The following GPC5 variants were observed in gnomAD, a reference collection of about 807,000 sequenced individuals.
The protein encoded by GPC5 is glypican-5.
Under a neutral mutation model 53.9 loss-of-function variants are expected in GPC5, and 47 were observed. The observed-to-expected ratio is 0.87, with a 90% CI of 0.69 to 1.11. GPC5 has a LOEUF of 1.11. GPC5 is among the 50% of genes most tolerant of loss of function. GPC5 has a pLI of 0.00. For synonymous variants in GPC5, 286 were observed against 263.3 expected (o/e 1.09, Z -0.84); for missense variants, 748 against 713.1 (o/e 1.05, Z -0.56).
At chr13:92,451,185 T>C (rs993359094) in intron 7 of GPC5, among the ~76,000 whole-genome samples, 1 of 152,064 alleles carries the variant, frequency 6.6e-6, no homozygotes, top group Non-Finnish European at 1.5e-5. Flanking sequence ...AGAAAAAAAA[T>C]AAACAGCAGC....
chr13:92,582,863 C>T (rs1474888899), intron 7 of GPC5, among the ~76,000 whole-genome samples: 1 of 151,864 alleles, frequency 6.6e-6, no homozygotes, highest in African/African-American at 2.4e-5. Flanking sequence ...TTACTGTATT[C>T]TTTATTATTT....
intron 2 of GPC5, among the ~76,000 whole-genome samples, chr13:91,505,386 A>G (rs537244578): frequency 1.3e-5 from 2 of 152,370 alleles, no homozygotes; most frequent in African/African-American, 4.8e-5. Context: ...ATTTAAATGT[A>G]ATAGATGTAA....
At chr13:91,451,570 T>TA (rs1162956245) in intron 2 of GPC5, among the ~76,000 whole-genome samples, 3 of 151,982 alleles carry the variant, frequency 2.0e-5, no homozygotes, top group African/African-American at 7.2e-5. Context: ...TGCCTATGTA[T>TA]ATTCCATTTA....
At chr13:91,514,461 C>G (rs978300624) in intron 2 of GPC5, among the ~76,000 whole-genome samples, 4 of 152,114 alleles carry the variant, frequency 2.6e-5, no homozygotes, top group African/African-American at 9.7e-5. Flanking sequence ...AATACCCGTT[C>G]ATGTCCTTTG....
At chr13:92,397,275 G>A (rs929128749) in intron 7 of GPC5, among the ~76,000 whole-genome samples, 5 of 152,106 alleles carry the variant, frequency 3.3e-5, no homozygotes, top group African/African-American at 9.7e-5. Context: ...GGGGGCTGGG[G>A]GGGGTTCCCC....
intron 6 of GPC5, among the ~76,000 whole-genome samples, chr13:92,079,301 C>T (rs1436895512): frequency 1.3e-5 from 2 of 152,164 alleles, no homozygotes; most frequent in Non-Finnish European, 2.9e-5. Flanking sequence ...CCGCCCACCT[C>T]GGCCTCCCAA....
chr13:91,882,874 T>C (rs1403682288), intron 5 of GPC5, among the ~76,000 whole-genome samples: 2 of 152,124 alleles, frequency 1.3e-5, no homozygotes, highest in Non-Finnish European at 2.9e-5. Flanking sequence ...AGGTGGTACA[T>C]ACAAATAAAT....
intron 5 of GPC5, among the ~76,000 whole-genome samples, chr13:91,907,501 CTT>C (rs1491484415): frequency 8.3e-5 from 5 of 59,986 alleles, no homozygotes; most frequent in South Asian, 1.3e-3. Context: ...CTCTCTCTCT[CTT>C]TATATATATA....
At chr13:91,507,442 CA>C (rs1885002077) in intron 2 of GPC5, among the ~76,000 whole-genome samples, 1 of 152,132 alleles carries the variant, frequency 6.6e-6, no homozygotes, top group African/African-American at 2.4e-5. Context: ...CAAGGAGGAG[CA>C]AGCACATCTT....
intron 7 of GPC5, among the ~76,000 whole-genome samples, chr13:92,260,106 G>A (rs930538981): frequency 3.9e-5 from 6 of 152,098 alleles, no homozygotes; most frequent in Admixed American, 6.6e-5. Flanking sequence ...TGGGATTCAC[G>A]TTCAGTTCTT....
rs79487039 is a variant in GPC5 at position 92,354,617 on chromosome 13, A to G, written c.1561+209628A>G. Among the ~76,000 whole-genome samples, 1,327 of 152,324 alleles carry G rather than the reference A, an allele frequency of 8.7e-3. 17 individuals are homozygous for G. The highest frequency in any genetic ancestry group is 0.029 in the African/African-American group (1,208 of 41,566). ...AAGAACTAAATAAGTAAACAAACAT[A>G]TAAAACTAGATACTGGTAAGATTCA... On this transcript the variant is annotated intron_variant, in intron 7 of 7. Coordinates refer to ENST00000377067, the MANE Select transcript of GPC5 (RefSeq NM_004466.6).
At chr13:91,551,819 G>A (rs2030657656) in intron 2 of GPC5, among the ~76,000 whole-genome samples, 1 of 152,064 alleles carries the variant, frequency 6.6e-6, no homozygotes, top group South Asian at 2.1e-4. Flanking sequence ...GAAAAATTAT[G>A]GTCAGGATGT....
At chr13:92,800,611 T>C (rs1876866124) in intron 7 of GPC5, among the ~76,000 whole-genome samples, 1 of 151,708 alleles carries the variant, frequency 6.6e-6, no homozygotes, top group Non-Finnish European at 1.5e-5. Context: ...TAACAGGTGG[T>C]TCAGAAAAGA....
chr13:92,580,915 T>C (rs1487286249), intron 7 of GPC5, among the ~76,000 whole-genome samples: 2 of 152,198 alleles, frequency 1.3e-5, no homozygotes, highest in Non-Finnish European at 2.9e-5. Context: ...TGCATATACG[T>C]ATCTACAGAA....
intron 6 of GPC5, among the ~76,000 whole-genome samples, chr13:92,038,116 A>T (rs1039000466): frequency 6.6e-6 from 1 of 152,084 alleles, no homozygotes; most frequent in Non-Finnish European, 1.5e-5. Context: ...TATTTAAAAG[A>T]TAGTCATGAC....
At chr13:92,839,943 C>T (rs886723770) in intron 7 of GPC5, among the ~76,000 whole-genome samples, 2 of 151,698 alleles carry the variant, frequency 1.3e-5, no homozygotes, top group African/African-American at 2.4e-5. Context: ...CTCCAGACTA[C>T]AAATCCCTCC....
chr13:92,663,726 AAATATATCTAC>A (rs375371237), intron 7 of GPC5, among the ~76,000 whole-genome samples: 33,223 of 140,710 alleles, frequency 0.24, 4,626 homozygotes, highest in South Asian at 0.38. Context: ...TATATCTACT[AAATATATCTAC>A]TATATATATC....
At chr13:91,836,532 A>G (rs2038724509) in intron 5 of GPC5, among the ~76,000 whole-genome samples, 2 of 152,070 alleles carry the variant, frequency 1.3e-5, no homozygotes. Flanking sequence ...TTTACAGATT[A>G]GCTCTTTTTG....
At chr13:92,160,066 C>A (rs1010104176) in intron 7 of GPC5, among the ~76,000 whole-genome samples, 1 of 152,014 alleles carries the variant, frequency 6.6e-6, no homozygotes, top group Non-Finnish European at 1.5e-5. Flanking sequence ...CCACACTGGG[C>A]TAATTTTTGC....
Sources: gnomAD v4.1 joint callset for allele counts (sites outside exome capture counted in the v4.1 genomes callset) on GRCh38, gnomAD v4.1.1 for gene constraint, MANE v1.5 for transcripts, NCBI Gene and HGNC (gene_info 2026-07-23, HGNC 2026-07-21) for gene names.